IRAK1BP1: variants seen among roughly 807,000 people sequenced by gnomAD.
The protein encoded by IRAK1BP1 is interleukin-1 receptor-associated kinase 1-binding protein 1.
In IRAK1BP1, 24 loss-of-function variants were observed where a neutral mutation model predicts 28.0. That is an observed-to-expected ratio of 0.86 (90% CI 0.62 to 1.20). The LOEUF (loss-of-function observed/expected upper bound fraction) is 1.20. Among genes scored for constraint, IRAK1BP1 ranks in the 50% most tolerant of loss-of-function variants. IRAK1BP1 has a pLI of 0.00. For missense variants in IRAK1BP1, 336 were observed against 316.7 expected (o/e 1.06, Z -0.46); for synonymous variants, 131 against 116.3 (o/e 1.13, Z -0.81).
chr6:78,945,392 A>G lies in IRAK1BP1; in HGVS notation c.*68-16A>G, dbSNP rs779841096. ...ACGTTTGACTGGCTTTTCCTTTTCC[A>G]TGTTTTCTTTTGCAGAATTATTCCT... is the stretch of plus-strand genomic sequence containing the variant. On this transcript the variant is annotated splice_polypyrimidine_tract_variant and intron_variant and NMD_transcript_variant, in intron 4 of 4. Transcript: ENST00000606868. The G allele has an allele frequency of 3.1e-6, 5 of 1,613,194 alleles. No individual in the cohort carries two copies. In the African/African-American group the frequency reaches 6.7e-5, roughly 22 times the overall value.
In IRAK1BP1 at chr6:78,901,971, A is replaced by G. The variant is rs1582027916; in HGVS notation, c.*3637A>G. ...ATAGTAAGGAGTTCTTATAGCCTAT[A>G]AAAAGCATGAATTATGAGATCAAAT... On this transcript the variant is annotated 3_prime_UTR_variant, in exon 4 of 4. Coordinates refer to ENST00000369940, the MANE Select transcript of IRAK1BP1 (RefSeq NM_001010844.4). 1.3e-5 allele frequency: 2 copies of G among 152,342 alleles called. No individual in the cohort carries two copies. Among genetic ancestry groups the G allele is most frequent in the East Asian group, 1.9e-4 (1 of 5,184 alleles). 9.4% of individuals were successfully genotyped at this position (152,342 alleles called of 1,614,324 possible). A position where few individuals can be genotyped will look rare whatever the true frequency, so the allele number is the denominator to read the frequency against.
intron 1 of IRAK1BP1, chr6:78,871,474 C>A: frequency 2.0e-6 from 2 of 985,542 alleles, no homozygotes; most frequent in Non-Finnish European, 2.4e-6. Flanking sequence ...CACCATGACA[C>A]CCAGTAGGAG....
At chr6:78,954,001 C>T in the IRAK1BP1 span, among the ~76,000 whole-genome samples, 1 of 152,194 alleles carries the variant, frequency 6.6e-6, no homozygotes, top group Non-Finnish European at 1.5e-5. Context: ...TTACTTAGCT[C>T]TTTTTACCAT....
chr6:78,953,902 T>C, the IRAK1BP1 span, among the ~76,000 whole-genome samples: 2 of 152,006 alleles, frequency 1.3e-5, no homozygotes, highest in African/African-American at 4.8e-5. Context: ...CTATATAACA[T>C]TTAATTACTT....
chr6:78,955,382 C>G, the IRAK1BP1 span: 2 of 858,548 alleles, frequency 2.3e-6, no homozygotes, highest in Non-Finnish European at 3.7e-6. Context: ...ACTGGAACAC[C>G]TGTAATGTAT....
intron 2 of IRAK1BP1, among the ~76,000 whole-genome samples, chr6:78,893,769 T>C (rs1198550540): frequency 6.6e-6 from 1 of 151,828 alleles, no homozygotes; most frequent in Admixed American, 6.6e-5. Context: ...CCAGGCATGG[T>C]GGTCACGCCT....
At chr6:78,955,033 G>T in the IRAK1BP1 span, 1 of 1,078,464 alleles carries the variant, frequency 9.3e-7, no homozygotes, top group Non-Finnish European at 1.3e-6. Flanking sequence ...TTTTAATGTA[G>T]TCTTAGATAA....
At chr6:78,889,926 A>G (rs1771574507) in intron 2 of IRAK1BP1, among the ~76,000 whole-genome samples, 2 of 152,252 alleles carry the variant, frequency 1.3e-5, no homozygotes, top group South Asian at 4.1e-4. Context: ...CTGGATATAT[A>G]CCCAAAGGAT....
At chr6:78,946,464 A>C, downstream of IRAK1BP1, 1 of 1,400,882 alleles carries the variant, frequency 7.1e-7, no homozygotes. Context: ...ATATGACGGA[A>C]AGCATGATGC....
downstream of IRAK1BP1, among the ~76,000 whole-genome samples, chr6:78,949,663 G>A (rs1365865546): frequency 6.6e-6 from 1 of 151,592 alleles, no homozygotes; most frequent in Admixed American, 6.6e-5. Context: ...GGTAAGCCCC[G>A]ACTTTTCTGG....
At chr6:78,954,062 T>A in the IRAK1BP1 span, among the ~76,000 whole-genome samples, 1 of 152,190 alleles carries the variant, frequency 6.6e-6, no homozygotes, top group Non-Finnish European at 1.5e-5. Flanking sequence ...TACAATAATG[T>A]CACCTTACAT....
the IRAK1BP1 span, among the ~76,000 whole-genome samples, chr6:78,968,682 T>G: frequency 6.6e-6 from 1 of 152,252 alleles, no homozygotes; most frequent in Non-Finnish European, 1.5e-5. Context: ...TGCTTGCTCC[T>G]AAGCAAAACA....
At chr6:78,938,715 A>C (rs1773362340) in intron 4 of IRAK1BP1, 1 of 151,718 alleles carries the variant, frequency 6.6e-6, no homozygotes, top group South Asian at 2.1e-4. Context: ...ATATACAAAA[A>C]ACCTGAAAAA....
intron 2 of IRAK1BP1, 91 bp from the exon 3 acceptor site, chr6:78,897,738 A>G (rs1771943326): frequency 9.5e-7 from 1 of 1,057,318 alleles, no homozygotes; most frequent in Non-Finnish European, 1.3e-6. Flanking sequence ...ATGACCTCAT[A>G]GTCTGGCTAT....
At chr6:78,923,844 G>A (rs887480082) in intron 4 of IRAK1BP1, among the ~76,000 whole-genome samples, 1 of 152,166 alleles carries the variant, frequency 6.6e-6, no homozygotes, top group South Asian at 2.1e-4. Flanking sequence ...AATGAAGGCA[G>A]AAATAAAGAT....
intron 4 of IRAK1BP1, among the ~76,000 whole-genome samples, chr6:78,944,832 C>CA (rs1405127742): frequency 2.6e-5 from 4 of 152,120 alleles, no homozygotes; most frequent in Admixed American, 2.0e-4. Context: ...TTACCTTCTT[C>CA]ATCTTTCAAA....
chr6:78,910,777 AC>A (rs763812428), intron 4 of IRAK1BP1, among the ~76,000 whole-genome samples: 7 of 152,238 alleles, frequency 4.6e-5, no homozygotes, highest in Non-Finnish European at 1.0e-4. Flanking sequence ...TGCCCCAGAC[AC>A]GCACACCCTC....
At chr6:78,969,552 G>A in the IRAK1BP1 span, among the ~76,000 whole-genome samples, 1 of 151,970 alleles carries the variant, frequency 6.6e-6, no homozygotes, top group East Asian at 1.9e-4. Flanking sequence ...AATTTAAATT[G>A]TTATTAATAT....
intron 4 of IRAK1BP1, chr6:78,936,163 CTG>C (rs1489543352): frequency 3.3e-5 from 5 of 151,952 alleles, no homozygotes; most frequent in African/African-American, 1.2e-4. Context: ...TTTTAAAACT[CTG>C]TGTTACTTAT....
Sources: allele counts gnomAD v4.1 joint callset (sites outside exome capture counted in the v4.1 genomes callset), GRCh38; gene constraint gnomAD v4.1.1; transcripts MANE v1.5; gene names NCBI Gene and HGNC (gene_info 2026-07-23, HGNC 2026-07-21).